Variants in CSNK2A2 observed in about 807,000 individuals in gnomAD.
CSNK2A2 encodes casein kinase 2 alpha 2, also known as casein kinase II subunit alpha'.
In CSNK2A2, 8 loss-of-function variants were observed where a neutral mutation model predicts 54.0. The ratio of observed to expected loss-of-function variants is 0.15; its 90% CI spans 0.09 to 0.27. The LOEUF (loss-of-function observed/expected upper bound fraction) is 0.27, where lower values mean the gene tolerates loss of function less well. CSNK2A2 is among the 10% of genes least tolerant of loss of function. CSNK2A2 has a pLI of 1.00. For synonymous variants in CSNK2A2, 141 were observed against 153.9 expected (o/e 0.92, Z 0.62); for missense variants, 242 against 439.4 (o/e 0.55, Z 4.02).
intron 2 of CSNK2A2, chr16:58,192,550 G>GAGAA (rs1472548832): frequency 6.6e-6 from 1 of 152,012 alleles, no homozygotes; most frequent in Non-Finnish European, 1.5e-5. Flanking sequence ...ACTAATCATA[G>GAGAA]AGAACGCCTG....
chr16:58,183,994 G>C (rs141711692), intron 4 of CSNK2A2, among the ~76,000 whole-genome samples: 153 of 152,264 alleles, frequency 1.0e-3, no homozygotes, highest in African/African-American at 3.6e-3. Flanking sequence ...TCTAAAACAG[G>C]AGTGTTACAG....
chr16:58,191,068 G>A (rs1018075059), intron 2 of CSNK2A2, among the ~76,000 whole-genome samples: 1 of 152,190 alleles, frequency 6.6e-6, no homozygotes, highest in Non-Finnish European at 1.5e-5. Context: ...TCTGATGCAT[G>A]CAACAGTGAT....
At chr16:58,165,486 G>T in intron 10 of CSNK2A2, 74 bp downstream of exon 10, 1 of 1,425,556 alleles carries the variant, frequency 7.0e-7, no homozygotes, top group Non-Finnish European at 9.4e-7. Flanking sequence ...CTCCTGACTG[G>T]TCTCAAAGAC....
In CSNK2A2 at chr16:58,184,919, G is replaced by C. The variant is rs3784917; in HGVS notation, c.319-609C>G. On this transcript the variant is annotated intron_variant, in intron 3 of 11. Transcript: ENST00000262506. ...CTATAATATTATTGCCTTGGCTAGA[G>C]ACCATTAAAGATTGTCTCATCTTAT... is the stretch of plus-strand genomic sequence containing the variant. Among the ~76,000 whole-genome samples, 53 of 152,190 alleles carry C rather than the reference G, an allele frequency of 3.5e-4. No homozygotes were observed. In the East Asian group the frequency reaches 0.01, roughly 29 times the overall value.
chr16:58,167,403 G>A (rs1053170036), intron 7 of CSNK2A2, 95 bp from the exon 8 acceptor site: 13 of 857,284 alleles, frequency 1.5e-5, no homozygotes, highest in Non-Finnish European at 2.3e-5. Flanking sequence ...CGTGTTCAGG[G>A]TGGTATGGCC....
At chr16:58,172,730 T>C (rs1419996229) in intron 5 of CSNK2A2, among the ~76,000 whole-genome samples, 1 of 152,228 alleles carries the variant, frequency 6.6e-6, no homozygotes, top group Non-Finnish European at 1.5e-5. Context: ...GGGAATTATT[T>C]CAGTTTTAAA....
intron 5 of CSNK2A2, 30 bp from the exon 6 acceptor site, chr16:58,168,723 A>T (rs780597425): frequency 1.5e-5 from 23 of 1,539,364 alleles, no homozygotes; most frequent in Non-Finnish European, 1.9e-5. Context: ...AGATAATAGT[A>T]AGCAACCCCT....
At chr16:58,182,676 C>T (rs1007134664) in intron 4 of CSNK2A2, among the ~76,000 whole-genome samples, 13 of 151,934 alleles carry the variant, frequency 8.6e-5, no homozygotes, top group African/African-American at 2.9e-4. Context: ...AATTACACTA[C>T]GAACTTCCAT....
At chr16:58,195,059 GA>G (rs1242496282) in intron 2 of CSNK2A2, among the ~76,000 whole-genome samples, 9 of 152,062 alleles carry the variant, frequency 5.9e-5, no homozygotes, top group African/African-American at 2.2e-4. Context: ...GTGGAATATG[GA>G]TATTCCTAAT....
intron 5 of CSNK2A2, among the ~76,000 whole-genome samples, chr16:58,172,300 C>T (rs1961766538): frequency 6.6e-6 from 1 of 151,972 alleles, no homozygotes; most frequent in African/African-American, 2.4e-5. Flanking sequence ...TCAATTTTTT[C>T]CCTCTGTTTT....
chr16:58,161,540 CACACACACAG>C (rs1961367396), intron 11 of CSNK2A2: 2 of 146,906 alleles, frequency 1.4e-5, no homozygotes, highest in African/African-American at 5.4e-5. Flanking sequence ...CACACACAGA[CACACACACAG>C]ACACACACAC....
intron 11 of CSNK2A2, chr16:58,163,081 T>C (rs1248774338): frequency 1.3e-5 from 2 of 151,832 alleles, no homozygotes; most frequent in Non-Finnish European, 2.9e-5. Context: ...CATAAGTCTT[T>C]CCTGAAAAAA....
intron 2 of CSNK2A2, among the ~76,000 whole-genome samples, chr16:58,188,242 CATG>C (rs1265035948): frequency 3.9e-5 from 6 of 152,234 alleles, no homozygotes; most frequent in African/African-American, 1.4e-4. Context: ...AGCCAGCTGC[CATG>C]ATGACACCCG....
intron 11 of CSNK2A2, among the ~76,000 whole-genome samples, chr16:58,158,721 G>C (rs1259866148): frequency 6.6e-6 from 1 of 152,198 alleles, no homozygotes; most frequent in East Asian, 1.9e-4. Context: ...TCAGCAGTCA[G>C]CTCTAGGTCC....
intron 4 of CSNK2A2, among the ~76,000 whole-genome samples, chr16:58,179,932 A>G (rs1429106182): frequency 6.6e-6 from 1 of 151,974 alleles, no homozygotes; most frequent in African/African-American, 2.4e-5. Context: ...TACAAAAATT[A>G]GCCAGGCATG....
chr16:58,188,233 GC>G (rs1962240825), intron 2 of CSNK2A2, among the ~76,000 whole-genome samples: 1 of 152,198 alleles, frequency 6.6e-6, no homozygotes, highest in Non-Finnish European at 1.5e-5. Flanking sequence ...GTCCTTGTGA[GC>G]CAGCTGCCAT....
At chr16:58,179,679 T>C (rs1205026195) in intron 4 of CSNK2A2, among the ~76,000 whole-genome samples, 1 of 152,170 alleles carries the variant, frequency 6.6e-6, no homozygotes, top group Non-Finnish European at 1.5e-5. Flanking sequence ...ATGTTGCAGT[T>C]TGCACTTCTA....
At chr16:58,188,223 G>A (rs548417750) in intron 2 of CSNK2A2, among the ~76,000 whole-genome samples, 4 of 152,312 alleles carry the variant, frequency 2.6e-5, no homozygotes, top group South Asian at 2.1e-4. Flanking sequence ...CTCTCGCTGC[G>A]TCCTTGTGAG....
intron 2 of CSNK2A2, among the ~76,000 whole-genome samples, chr16:58,196,364 A>G (rs1962445964): frequency 6.6e-6 from 1 of 152,208 alleles, no homozygotes; most frequent in African/African-American, 2.4e-5. Flanking sequence ...AATCCCAGCA[A>G]CTATAGGAGG....
Sources: gnomAD v4.1 joint callset for allele counts (sites outside exome capture counted in the v4.1 genomes callset) on GRCh38, gnomAD v4.1.1 for gene constraint, MANE v1.5 for transcripts, NCBI Gene and HGNC (gene_info 2026-07-23, HGNC 2026-07-21) for gene names.